The following SBF2 variants were observed in gnomAD, a reference collection of about 807,000 sequenced individuals.
SBF2 encodes the protein myotubularin-related protein 13.
A neutral mutation model predicts 225.2 loss-of-function variants in SBF2; 112 were observed. The observed-to-expected ratio is 0.50, with a 90% CI of 0.43 to 0.58. The LOEUF (loss-of-function observed/expected upper bound fraction) is 0.58. SBF2 is among the 20% of genes least tolerant of loss of function. The pLI is 0.00. For synonymous variants in SBF2, 763 were observed against 773.3 expected (o/e 0.99, Z 0.22); for missense variants, 1,996 against 2,206.2 (o/e 0.90, Z 1.91).
intron 2 of SBF2, among the ~76,000 whole-genome samples, chr11:10,127,449 ATTG>A (rs1565259923): frequency 6.6e-6 from 1 of 151,978 alleles, no homozygotes; most frequent in East Asian, 1.9e-4. Context: ...ATCCTTTTCT[ATTG>A]TTGTTATCTC....
At position 10,031,102 on chromosome 11, in the gene SBF2, A is replaced by G; in HGVS notation, c.348T>C (p.Phe116=). ...ATACCAACACCAGGCTTTTGGGAGC[A>G]AACACTTCTGCAGGCTGAATTAAAC... ...VSGLIQPAEV[F]APKSLVLVSR... The change falls in exon 4 of 40, where the codon TTT becomes TTC. Residue 116 remains phenylalanine (F), a synonymous_variant. Coordinates refer to ENST00000256190, the MANE Select transcript of SBF2 (RefSeq NM_030962.4). 1.2e-6 allele frequency: 2 copies of G among 1,613,612 alleles called. No homozygotes were observed. Among genetic ancestry groups the G allele is most frequent in the Non-Finnish European group, 1.7e-6 (2 of 1,179,660 alleles).
intron 1 of SBF2, among the ~76,000 whole-genome samples, chr11:10,207,441 ACTT>A (rs929598989): frequency 5.8e-4 from 89 of 152,212 alleles, no homozygotes; most frequent in African/African-American, 2.0e-3. Context: ...GTACTTAAAT[ACTT>A]CTCCAGTCCA....
chr11:10,066,767 C>T (rs1021261958), intron 2 of SBF2, among the ~76,000 whole-genome samples: 9 of 152,036 alleles, frequency 5.9e-5, no homozygotes, highest in Non-Finnish European at 4.4e-5. Flanking sequence ...CAGGTTCTAG[C>T]CTGGGCAATC....
At chr11:9,819,731 T>A (rs1245308134) in intron 28 of SBF2, among the ~76,000 whole-genome samples, 1 of 152,214 alleles carries the variant, frequency 6.6e-6, no homozygotes, top group Non-Finnish European at 1.5e-5. Flanking sequence ...ATGCTGCATG[T>A]TGTACAACAC....
chr11:10,099,741 G>T (rs1185578444), intron 2 of SBF2, among the ~76,000 whole-genome samples: 1 of 152,134 alleles, frequency 6.6e-6, no homozygotes, highest in African/African-American at 2.4e-5. Context: ...GTTTTTGTAT[G>T]TGAGGGAATT....
intron 16 of SBF2, among the ~76,000 whole-genome samples, chr11:9,915,911 A>C (rs918418037): frequency 6.6e-6 from 1 of 152,094 alleles, no homozygotes; most frequent in Non-Finnish European, 1.5e-5. Flanking sequence ...TAAAAATACA[A>C]AAATTAGCCA....
chr11:9,779,798 G>A lies in SBF2; in HGVS notation c.*620C>T, dbSNP rs770708793. On this transcript the variant is annotated 3_prime_UTR_variant, in exon 40 of 40. Coordinates refer to ENST00000256190, the MANE Select transcript of SBF2 (RefSeq NM_030962.4). ...CTGGTCATTGTTGTACCATTCCCTG[G>A]ATAATCTTTTTCCATCAGAATAATG... 6.0e-6 allele frequency: 1 copy of A among 165,662 alleles called. No homozygotes were observed. The highest frequency in any genetic ancestry group is 1.5e-4 in the South Asian group (1 of 6,660). The allele number at this position is 165,662 out of a possible 1,614,324, so 10.3% of individuals were successfully genotyped here. A position where few individuals can be genotyped will look rare whatever the true frequency, so the allele number is the denominator to read the frequency against.
chr11:10,105,394 T>A (rs1016658361), intron 2 of SBF2, among the ~76,000 whole-genome samples: 3 of 152,216 alleles, frequency 2.0e-5, no homozygotes, highest in African/African-American at 7.2e-5. Context: ...AACATGATGA[T>A]AGAAAGAAAC....
intron 14 of SBF2, among the ~76,000 whole-genome samples, chr11:9,968,103 A>C (rs902422402): frequency 7.9e-5 from 12 of 151,862 alleles, no homozygotes; most frequent in Non-Finnish European, 1.3e-4. Flanking sequence ...AGTATGTAAC[A>C]TATCTCAATA....
At chr11:9,976,097 G>A (rs1050103585) in intron 13 of SBF2, among the ~76,000 whole-genome samples, 1 of 129,858 alleles carries the variant, frequency 7.7e-6, no homozygotes, top group Non-Finnish European at 1.6e-5. Context: ...TTTTTGAGAC[G>A]AAGTCTTGTC....
At chr11:10,175,704 T>G (rs962582602) in intron 2 of SBF2, among the ~76,000 whole-genome samples, 4 of 150,992 alleles carry the variant, frequency 2.6e-5, no homozygotes, top group Non-Finnish European at 4.4e-5. Context: ...ATCAACAGAA[T>G]AGACATTTTT....
At position 9,989,530 on chromosome 11, in the gene SBF2, A is replaced by G; in HGVS notation, c.1362T>C (p.His454=). The change falls in exon 13 of 40, where the codon CAT becomes CAC. Residue 454 remains histidine, a synonymous_variant. Transcript: ENST00000256190. ...EENNPVKMIK[H]VRELAEQLFK... ...ATAGTTGCTCAGCAAGTTCCCTGAC[A>G]TGCTTTATCATCTTCACTGGGTTAT... 1 of 1,607,244 alleles carries G rather than the reference A, an allele frequency of 6.2e-7. No homozygotes were observed. The highest frequency in any genetic ancestry group is 2.2e-5 in the East Asian group (1 of 44,790).
At chr11:10,211,609 T>C (rs1822295) in intron 1 of SBF2, among the ~76,000 whole-genome samples, 11,130 of 152,226 alleles carry the variant, frequency 0.073, 593 homozygotes, top group East Asian at 0.29. Flanking sequence ...TATCACAATG[T>C]CCTATCAATT....
intron 9 of SBF2, among the ~76,000 whole-genome samples, chr11:9,994,545 AAAAC>A (rs1363346616): frequency 7.0e-6 from 1 of 143,588 alleles, no homozygotes; most frequent in Non-Finnish European, 1.5e-5. Context: ...ATTTGAAAAT[AAAAC>A]AAAATAAACC....
chr11:9,860,531 A>G (rs991752467), intron 17 of SBF2, among the ~76,000 whole-genome samples: 2 of 151,976 alleles, frequency 1.3e-5, no homozygotes, highest in East Asian at 3.9e-4. Context: ...GGGTTTCATC[A>G]TATTTCCCAG....
At chr11:10,230,545 G>T (rs368865738) in intron 1 of SBF2, among the ~76,000 whole-genome samples, 81 of 152,226 alleles carry the variant, frequency 5.3e-4, no homozygotes, top group African/African-American at 1.8e-3. Context: ...GTCTGTAAAG[G>T]ATTTTATTTC....
chr11:10,210,382 G>C (rs1034786487), intron 1 of SBF2, among the ~76,000 whole-genome samples: 2 of 150,992 alleles, frequency 1.3e-5, no homozygotes, highest in Non-Finnish European at 3.0e-5. Flanking sequence ...AGGAGGAGGA[G>C]GAAGAGAAGG....
In SBF2 at chr11:9,789,270, C is replaced by A. The variant is rs1408465788; in HGVS notation, c.4771G>T (p.Gly1591Cys). 1 of 1,614,170 alleles carries A rather than the reference C, an allele frequency of 6.2e-7. No homozygotes were observed. The highest frequency in any genetic ancestry group is 1.7e-5 in the Admixed American group (1 of 60,016). The change falls in exon 35 of 40, where the codon GGC (glycine) becomes TGC (cysteine). Residue 1591 changes from glycine (G) to cysteine (C), a missense_variant. Coordinates refer to ENST00000256190, the MANE Select transcript of SBF2 (RefSeq NM_030962.4). ...DYYIEETLST[G>C]PSYDWMMLTP... is the part of the protein sequence containing the mutation. ...AGCATCATCCAGTCATAGGAAGGGC[C>A]TGTGGACAGGGTCTCTTCTATGTAG...
At chr11:10,049,205 AT>A (rs1033055499) in intron 2 of SBF2, among the ~76,000 whole-genome samples, 5 of 152,062 alleles carry the variant, frequency 3.3e-5, no homozygotes, top group Non-Finnish European at 4.4e-5. Flanking sequence ...TCTTTTCTGT[AT>A]TTTTTTGTTT....
Sources: gnomAD v4.1 joint callset for allele counts (sites outside exome capture counted in the v4.1 genomes callset) on GRCh38, gnomAD v4.1.1 for gene constraint, MANE v1.5 for transcripts, NCBI Gene and HGNC (gene_info 2026-07-23, HGNC 2026-07-21) for gene names.